The following TSGA10 variants were observed in gnomAD, a reference collection of about 807,000 sequenced individuals.
TSGA10 encodes the protein testis specific 10, also known as testis-specific gene 10 protein.
Under a neutral mutation model 96.6 loss-of-function variants are expected in TSGA10, and 43 were observed. The observed-to-expected ratio is 0.44, with a 90% confidence interval of 0.35 to 0.57. The LOEUF is 0.57. Among genes scored for constraint, TSGA10 ranks in the 20% least tolerant of loss-of-function variants. The probability of loss-of-function intolerance (pLI) is 0.01; values close to 1 mark genes in which losing one functional copy is unlikely to be tolerated. For missense variants in TSGA10, 703 were observed against 834.4 expected (o/e 0.84, Z 1.94); for synonymous variants, 229 against 269.9 (o/e 0.85, Z 1.48).
intron 20 of TSGA10, among the ~76,000 whole-genome samples, chr2:99,011,417 C>A (rs916415957): frequency 1.3e-5 from 2 of 152,148 alleles, no homozygotes; most frequent in South Asian, 4.1e-4. Context: ...CAGGCATTAG[C>A]CACCATGCCC....
intron 15 of TSGA10, 137 bp downstream of exon 15, chr2:99,068,751 C>T (rs1253250583): frequency 2.5e-6 from 1 of 405,210 alleles, no homozygotes; most frequent in Non-Finnish European, 4.5e-6. Context: ...ATGTAGTTAA[C>T]CCACCATTGT....
intron 10 of TSGA10, chr2:99,102,662 T>G: frequency 6.2e-7 from 1 of 1,614,016 alleles, no homozygotes; most frequent in Non-Finnish European, 8.5e-7. Context: ...AATTCTATGG[T>G]GTAAAGTTCA....
At chr2:99,088,099 T>A (rs923781332) in intron 10 of TSGA10, among the ~76,000 whole-genome samples, 1 of 152,210 alleles carries the variant, frequency 6.6e-6, no homozygotes, top group Non-Finnish European at 1.5e-5. Flanking sequence ...ATAAAATTAA[T>A]TCAGTGACTA....
intron 7 of TSGA10, among the ~76,000 whole-genome samples, chr2:99,108,411 G>T (rs1203113550): frequency 1.3e-5 from 2 of 152,080 alleles, no homozygotes; most frequent in African/African-American, 2.4e-5. Context: ...AAGCTAGAAA[G>T]CAGAGATAAA....
chr2:99,101,549 T>G (rs1374230604), intron 10 of TSGA10, among the ~76,000 whole-genome samples: 1 of 151,630 alleles, frequency 6.6e-6, no homozygotes, highest in Non-Finnish European at 1.5e-5. Context: ...AGGCAGGTCA[T>G]TAGAAAATAC....
intron 17 of TSGA10, among the ~76,000 whole-genome samples, chr2:99,033,642 A>C (rs2081338021): frequency 6.6e-6 from 1 of 152,216 alleles, no homozygotes; most frequent in South Asian, 2.1e-4. Context: ...GGAGTTCAAG[A>C]CCAGCCTGGC....
At chr2:99,109,619 T>A in intron 5 of TSGA10, 107 bp from the exon 6 acceptor site, 1 of 923,420 alleles carries the variant, frequency 1.1e-6, no homozygotes, top group Non-Finnish European at 1.4e-6. Flanking sequence ...ATTTTCTAAG[T>A]GAAATTGAAA....
intron 16 of TSGA10, among the ~76,000 whole-genome samples, chr2:99,053,260 A>G (rs1441891838): frequency 2.0e-5 from 3 of 152,120 alleles, no homozygotes; most frequent in Non-Finnish European, 2.9e-5. Context: ...GGTCAGCATT[A>G]TCATGATACC....
chr2:99,064,808 T>G (rs542270374), intron 16 of TSGA10, 131 bp downstream of exon 16: 1 of 676,510 alleles, frequency 1.5e-6, no homozygotes, highest in Non-Finnish European at 2.3e-6. Flanking sequence ...GGAGAATGGT[T>G]AGCATGCTAC....
chr2:99,059,771 A>C (rs1306664058), intron 16 of TSGA10, among the ~76,000 whole-genome samples: 1 of 151,844 alleles, frequency 6.6e-6, no homozygotes, highest in Middle Eastern at 3.2e-3. Flanking sequence ...AAAATTAGCC[A>C]GGCATGGTGG....
rs1463211568 is a variant in TSGA10 at position 99,140,661 on chromosome 2, TC to T, written c.-620-13486del. On this transcript the variant is annotated intron_variant, in intron 1 of 20. Coordinates refer to ENST00000393483, the MANE Select transcript of TSGA10 (RefSeq NM_025244.4). ...GATTTTCATGCAAATGCCTATGTAA[TC>T]TCAGCCTTTCACCACCCCAAGTCTA... Among the ~76,000 whole-genome samples, 4 of 152,234 alleles carry T rather than the reference TC, an allele frequency of 2.6e-5. No individual in the cohort carries two copies. In the East Asian group the frequency reaches 7.7e-4, roughly 29 times the overall value.
intron 1 of TSGA10, among the ~76,000 whole-genome samples, chr2:99,135,723 C>T (rs1260686063): frequency 6.6e-6 from 1 of 152,068 alleles, no homozygotes. Context: ...AGAGTATCTG[C>T]ATTGGCTGGG....
rs530601598 is a variant in TSGA10 at position 99,023,360 on chromosome 2, C to T, written c.1615-2878G>A. Among the ~76,000 whole-genome samples, 10 of 151,980 alleles carry T rather than the reference C, an allele frequency of 6.6e-5. No individual in the cohort carries two copies. In the South Asian group the frequency reaches 1.9e-3, roughly 28 times the overall value. On this transcript the variant is annotated intron_variant, in intron 17 of 20. Coordinates refer to ENST00000393483, the MANE Select transcript of TSGA10 (RefSeq NM_025244.4). The stretch of plus-strand genomic sequence containing the variant: ...AAATGTTTTCTCACATCTTGTGCAT[C>T]GTCTTGCCACTTTCTTGATGATATC...
chr2:99,109,353 C>T, intron 6 of TSGA10, 36 bp downstream of exon 6: 1 of 1,608,694 alleles, frequency 6.2e-7, no homozygotes, highest in South Asian at 1.1e-5. Flanking sequence ...GTCTGGGCAA[C>T]AAACTCCAAA....
chr2:99,131,728 T>A (rs900521746), intron 1 of TSGA10, among the ~76,000 whole-genome samples: 2 of 152,126 alleles, frequency 1.3e-5, no homozygotes, highest in Non-Finnish European at 2.9e-5. Context: ...CCAGGTTTTG[T>A]CCATTCAGTA....
At chr2:99,135,203 C>A (rs2093274248) in intron 1 of TSGA10, among the ~76,000 whole-genome samples, 1 of 152,212 alleles carries the variant, frequency 6.6e-6, no homozygotes, top group South Asian at 2.1e-4. Flanking sequence ...CCCCCAGGTG[C>A]TCTGTCCCAG....
intron 16 of TSGA10, among the ~76,000 whole-genome samples, chr2:99,037,633 G>A (rs1464208989): frequency 6.6e-6 from 1 of 152,104 alleles, no homozygotes; most frequent in Non-Finnish European, 1.5e-5. Context: ...TGGATCGCCT[G>A]AGGCCAGGAG....
intron 20 of TSGA10, among the ~76,000 whole-genome samples, chr2:99,004,353 G>A (rs1218294225): frequency 6.6e-6 from 1 of 151,884 alleles, no homozygotes; most frequent in African/African-American, 2.4e-5. Flanking sequence ...ATTCACAGCC[G>A]AATTCTACCA....
chr2:99,012,690 A>C (rs770077183), intron 20 of TSGA10, among the ~76,000 whole-genome samples: 2 of 152,216 alleles, frequency 1.3e-5, no homozygotes, highest in Non-Finnish European at 2.9e-5. Context: ...AACAATGACT[A>C]TTAGACCCAG....
Sources: gnomAD v4.1 joint callset for allele counts (sites outside exome capture counted in the v4.1 genomes callset) on GRCh38, gnomAD v4.1.1 for gene constraint, MANE v1.5 for transcripts, NCBI Gene and HGNC (gene_info 2026-07-23, HGNC 2026-07-21) for gene names.